TFCP2: variants seen among roughly 807,000 people sequenced by gnomAD.
The protein encoded by TFCP2 is transcription factor CP2.
In TFCP2, 33 loss-of-function variants were observed where a neutral mutation model predicts 73.4. The observed-to-expected ratio is 0.45, with a 90% confidence interval of 0.34 to 0.60. TFCP2 has a LOEUF of 0.60. Among genes scored for constraint, TFCP2 ranks in the 20% least tolerant of loss-of-function variants. TFCP2 has a pLI of 0.01. For synonymous variants in TFCP2, 193 were observed against 211.6 expected (o/e 0.91, Z 0.76); for missense variants, 352 against 604.0 (o/e 0.58, Z 4.37).
chr12:51,150,179 AGGCC>A (rs2137028421), intron 1 of TFCP2, among the ~76,000 whole-genome samples: 1 of 152,298 alleles, frequency 6.6e-6, no homozygotes, highest in Non-Finnish European at 1.5e-5. Flanking sequence ...GCACTTTGAG[AGGCC>A]AAGGCAGGCG....
Position 51,107,335 on chromosome 12 carries a change from T to G in TFCP2, c.729A>C (p.Ala243=). Residue 243 remains alanine (A), a synonymous_variant, in exon 7 of 15, where the codon GCA becomes GCC. Transcript: ENST00000257915. ...CCCTATCCGTTTTTTGCTTTCTGTCTGCACCTTTGGGCTGAAATGAGAAAT... is the reference window on the plus strand; with the variant it reads ...CCCTATCCGTTTTTTGCTTTCTGTCGGCACCTTTGGGCTGAAATGAGAAAT... ...CQIKVFKPKG[A]DRKQKTDREK... is the part of the protein sequence containing the mutation. 1 of 1,611,766 alleles carries G rather than the reference T, an allele frequency of 6.2e-7. No homozygotes were observed. The highest frequency in any genetic ancestry group is 8.5e-7 in the Non-Finnish European group (1 of 1,179,414).
rs535099006 is a variant in TFCP2 at position 51,122,389 on chromosome 12, G to C, written c.123-3617C>G. On this transcript the variant is annotated intron_variant, in intron 1 of 14. Coordinates refer to ENST00000257915, the MANE Select transcript of TFCP2 (RefSeq NM_005653.5). The stretch of plus-strand genomic sequence containing the variant: ...TTCTCCTGCCTCAGCTTCCCGGGTA[G>C]CTGGGATTACAGGCACCTGCTACCA... Among the ~76,000 whole-genome samples, 4 of 150,992 alleles carry C rather than the reference G, an allele frequency of 2.6e-5. No individual in the cohort carries two copies. The South Asian group carries it at 8.4e-4, about 32-fold the overall frequency.
At chr12:51,116,686 C>T (rs1430552474) in intron 3 of TFCP2, among the ~76,000 whole-genome samples, 2 of 147,332 alleles carry the variant, frequency 1.4e-5, no homozygotes, top group African/African-American at 2.5e-5. Flanking sequence ...GGTGTGATCT[C>T]GGCTCACCGC....
chr12:51,127,884 A>G (rs532402478), intron 1 of TFCP2, among the ~76,000 whole-genome samples: 1 of 151,818 alleles, frequency 6.6e-6, no homozygotes, highest in African/African-American at 2.4e-5. Context: ...AATCCCAAAT[A>G]TCACATTAGC....
intron 2 of TFCP2, 89 bp from the exon 3 acceptor site, chr12:51,117,836 A>C (rs1431064986): frequency 6.4e-6 from 5 of 779,858 alleles, no homozygotes; most frequent in Admixed American, 2.5e-5. Context: ...TTGAATATAC[A>C]ACAGTATAAT....
chr12:51,156,521 G>C (rs1012374081), intron 1 of TFCP2, among the ~76,000 whole-genome samples: 1 of 152,166 alleles, frequency 6.6e-6, no homozygotes, highest in Non-Finnish European at 1.5e-5. Flanking sequence ...CTCAACTTGC[G>C]ATTTGGAGGG....
At chr12:51,124,698 G>A in intron 1 of TFCP2, 1 of 667,394 alleles carries the variant, frequency 1.5e-6, no homozygotes, top group Non-Finnish European at 2.8e-6. Flanking sequence ...GGTGGCCAGT[G>A]AGTTGGCAAT....
At chr12:51,146,044 T>C (rs1941292232) in intron 1 of TFCP2, among the ~76,000 whole-genome samples, 1 of 151,990 alleles carries the variant, frequency 6.6e-6, no homozygotes, top group African/African-American at 2.4e-5. Context: ...ACTGACTACA[T>C]ACAAAACTGA....
At chr12:51,162,133 A>G (rs76625546) in intron 1 of TFCP2, among the ~76,000 whole-genome samples, 1 of 150,538 alleles carries the variant, frequency 6.6e-6, no homozygotes, top group Non-Finnish European at 1.5e-5. Flanking sequence ...AAGGAGCAGG[A>G]AAAAAAAACG....
chr12:51,162,729 G>A (rs944393224), intron 1 of TFCP2, among the ~76,000 whole-genome samples: 2 of 152,112 alleles, frequency 1.3e-5, no homozygotes, highest in African/African-American at 2.4e-5. Context: ...GGAGTGCAGT[G>A]GCACAATCAC....
At chr12:51,170,308 T>A (rs1941834074) in intron 1 of TFCP2, among the ~76,000 whole-genome samples, 1 of 151,832 alleles carries the variant, frequency 6.6e-6, no homozygotes, top group South Asian at 2.1e-4. Context: ...AACGATAGTA[T>A]TTTTTTCCAA....
intron 14 of TFCP2, 65 bp downstream of exon 14, chr12:51,095,924 G>A: frequency 6.4e-6 from 8 of 1,241,462 alleles, no homozygotes; most frequent in Non-Finnish European, 9.1e-6. Flanking sequence ...AAAGAAGTAT[G>A]TACTTTGCCT....
chr12:51,127,390 T>C (rs918155588), intron 1 of TFCP2, among the ~76,000 whole-genome samples: 19 of 152,190 alleles, frequency 1.2e-4, no homozygotes, highest in Non-Finnish European at 2.2e-4. Context: ...AGAGGGGGCT[T>C]ATCTAAAGAG....
chr12:51,095,989 C>T lies in TFCP2; in HGVS notation c.1471G>A (p.Ala491Thr), dbSNP rs1437722043. Residue 491 changes from alanine to threonine, a missense_variant and splice_region_variant, in exon 14 of 15, where the codon GCA becomes ACA. Transcript: ENST00000257915. ...AGAAAGATGTTTGTCTTACTATTAC[C>T]TTTCATTGTGTCCAGAATAAAACAT... ...EACFILDTMK[A>T]ETNDSYHIIL... is the part of the protein sequence containing the mutation. 1.2e-6 allele frequency: 2 copies of T among 1,612,594 alleles called. No individual in the cohort carries two copies. Among genetic ancestry groups the T allele is most frequent in the Non-Finnish European group, 8.5e-7 (1 of 1,179,378 alleles).
At chr12:51,148,894 A>G (rs2137026510) in intron 1 of TFCP2, among the ~76,000 whole-genome samples, 1 of 148,114 alleles carries the variant, frequency 6.8e-6, no homozygotes, top group African/African-American at 2.5e-5. Context: ...GAGTGGTGTC[A>G]GGCACCTGTA....
At chr12:51,120,073 G>C (rs1439189126) in intron 1 of TFCP2, among the ~76,000 whole-genome samples, 1 of 150,766 alleles carries the variant, frequency 6.6e-6, no homozygotes, top group Non-Finnish European at 1.5e-5. Flanking sequence ...CAGATACTTG[G>C]GAGGCTGAGG....
At chr12:51,144,974 G>A (rs970672614) in intron 1 of TFCP2, among the ~76,000 whole-genome samples, 1 of 152,160 alleles carries the variant, frequency 6.6e-6, no homozygotes, top group Non-Finnish European at 1.5e-5. Flanking sequence ...GCCGAGGTGG[G>A]CGGATCACTT....
chr12:51,129,297 AG>A (rs1940886537), intron 1 of TFCP2, among the ~76,000 whole-genome samples: 1 of 151,816 alleles, frequency 6.6e-6, no homozygotes, highest in African/African-American at 2.4e-5. Context: ...GCGGATCACG[AG>A]GTCAGGAGTT....
At chr12:51,161,801 C>T (rs1412197902) in intron 1 of TFCP2, among the ~76,000 whole-genome samples, 1 of 144,830 alleles carries the variant, frequency 6.9e-6, no homozygotes, top group African/African-American at 2.6e-5. Flanking sequence ...ACAGAAACCA[C>T]CCCATAGCAA....
Sources: gnomAD v4.1 joint callset for allele counts (sites outside exome capture counted in the v4.1 genomes callset) on GRCh38, gnomAD v4.1.1 for gene constraint, MANE v1.5 for transcripts, NCBI Gene and HGNC (gene_info 2026-07-23, HGNC 2026-07-21) for gene names.